Variants in SLC3A1 observed in about 807,000 individuals in gnomAD.
The protein encoded by SLC3A1 is solute carrier family 3 member 1.
SLC3A1 carries 78 observed loss-of-function variants against 60.3 expected under a neutral mutation model. The ratio of observed to expected loss-of-function variants is 1.29; its 90% CI spans 1.08 to 1.56. The LOEUF is 1.56. Among genes scored for constraint, SLC3A1 ranks in the 40% most tolerant of loss-of-function variants. The pLI is 0.00. For missense variants in SLC3A1, 1,172 were observed against 858.9 expected (o/e 1.36, Z -4.56); for synonymous variants, 392 against 307.9 (o/e 1.27, Z -2.86).
intron 9 of SLC3A1, among the ~76,000 whole-genome samples, chr2:44,316,622 G>A (rs1441370615): frequency 6.6e-6 from 1 of 152,160 alleles, no homozygotes; most frequent in African/African-American, 2.4e-5. Context: ...TTCAGAACAG[G>A]TAGGATAAAG....
Position 44,281,514 on chromosome 2 carries a change from T to C in SLC3A1, c.738T>C (p.Asn246=). The part of the protein sequence containing the change: ...YYIWHDCTHE[N]GKTIPPNNWL... ...TCTGGCATGACTGTACCCATGAAAATGGCAAAACCATTCCACCCAACAACT... is the reference window on the plus strand; with the variant it reads ...TCTGGCATGACTGTACCCATGAAAACGGCAAAACCATTCCACCCAACAACT... Residue 246 remains asparagine (N), a synonymous_variant, in exon 3 of 10, where the codon AAT becomes AAC. Transcript: ENST00000260649. 3 of 1,614,030 alleles carry C rather than the reference T, an allele frequency of 1.9e-6. No homozygotes were observed. The highest frequency in any genetic ancestry group is 1.7e-6 in the Non-Finnish European group (2 of 1,179,992).
At chr2:44,318,231 C>T (rs1672601028) in intron 9 of SLC3A1, 2 of 359,504 alleles carry the variant, frequency 5.6e-6, no homozygotes, top group East Asian at 9.6e-5. Flanking sequence ...GCTGGGATTA[C>T]AGGTGCACGT....
chr2:44,302,883 C>T (rs1221638445), intron 6 of SLC3A1, among the ~76,000 whole-genome samples: 1 of 152,136 alleles, frequency 6.6e-6, no homozygotes, highest in Non-Finnish European at 1.5e-5. Context: ...GAGATTATTT[C>T]TCCTAGGATT....
intron 1 of SLC3A1, among the ~76,000 whole-genome samples, chr2:44,280,508 G>A (rs1416471152): frequency 6.6e-6 from 1 of 152,140 alleles, no homozygotes; most frequent in Non-Finnish European, 1.5e-5. Context: ...AAAGTGCTGG[G>A]ATTACAGGCG....
intron 4 of SLC3A1, among the ~76,000 whole-genome samples, chr2:44,295,638 A>T (rs556768357): frequency 7.5e-4 from 115 of 152,320 alleles, no homozygotes; most frequent in African/African-American, 2.7e-3. Flanking sequence ...ATTATTTCTG[A>T]TTATGCTAGG....
At chr2:44,308,252 G>C (rs797013895) in intron 7 of SLC3A1, among the ~76,000 whole-genome samples, 17 of 152,332 alleles carry the variant, frequency 1.1e-4, no homozygotes, top group African/African-American at 7.2e-5. Context: ...GATTAGTGTA[G>C]CTTAGTAAGT....
At position 44,275,969 on chromosome 2, in the gene SLC3A1, C is replaced by T. The variant is rs772305450; in HGVS notation, c.430+4C>T. The T allele has an allele frequency of 1.2e-6, 2 of 1,613,468 alleles. No individual in the cohort carries two copies. Among genetic ancestry groups the T allele is most frequent in the South Asian group, 1.1e-5 (1 of 91,064 alleles). ...GATGGGAACGGAGATCTGAAAGGTACATGCCCAGAGATCATTTAGGGTGGG... is the reference window on the plus strand; with the variant it reads ...GATGGGAACGGAGATCTGAAAGGTATATGCCCAGAGATCATTTAGGGTGGG... On this transcript the variant is annotated splice_donor_region_variant and intron_variant, in intron 1 of 9. Coordinates refer to ENST00000260649, the MANE Select transcript of SLC3A1 (RefSeq NM_000341.4).
intron 4 of SLC3A1, among the ~76,000 whole-genome samples, chr2:44,292,166 G>T (rs987660586): frequency 5.9e-5 from 9 of 152,024 alleles, no homozygotes; most frequent in Admixed American, 1.3e-4. Flanking sequence ...CTGGGGTTTG[G>T]AGTGATCCTA....
rs540304824 is a variant in SLC3A1, at chr2:44,308,826, G to T, written c.1333-3760G>T. On this transcript the variant is annotated intron_variant, in intron 7 of 9. Coordinates refer to ENST00000260649, the MANE Select transcript of SLC3A1 (RefSeq NM_000341.4). ...CAGCTCATTGCAAGCTCCGCCTCCC[G>T]GGTTCATGCCATTCTCCTGTATCAG... Among the ~76,000 whole-genome samples the T allele has an allele frequency of 3.3e-5, 5 of 151,900 alleles. No individual in the cohort carries two copies. In the East Asian group the frequency reaches 7.8e-4, roughly 24 times the overall value.
At chr2:44,276,103 G>A in intron 1 of SLC3A1, 138 bp downstream of exon 1, 1 of 782,126 alleles carries the variant, frequency 1.3e-6, no homozygotes. Context: ...GTTGCTCCTT[G>A]TTTATGATAT....
At chr2:44,276,535 T>A (rs1313666566) in intron 1 of SLC3A1, among the ~76,000 whole-genome samples, 3 of 152,252 alleles carry the variant, frequency 2.0e-5, no homozygotes, top group Non-Finnish European at 4.4e-5. Flanking sequence ...AATTAAGGAT[T>A]GTTTAAAACC....
intron 4 of SLC3A1, among the ~76,000 whole-genome samples, chr2:44,294,652 G>A (rs1017865115): frequency 6.6e-6 from 1 of 152,172 alleles, no homozygotes; most frequent in Non-Finnish European, 1.5e-5. Flanking sequence ...GCTGGACAGC[G>A]AGAGAGCTGG....
chr2:44,309,601 CTTTT>C (rs1284627025), intron 7 of SLC3A1, among the ~76,000 whole-genome samples: 1 of 152,010 alleles, frequency 6.6e-6, no homozygotes, highest in Admixed American at 6.6e-5. Flanking sequence ...CATAATACTT[CTTTT>C]GTTTTGTTTT....
chr2:44,293,342 C>A (rs1415915242), intron 4 of SLC3A1, among the ~76,000 whole-genome samples: 1 of 151,996 alleles, frequency 6.6e-6, no homozygotes, highest in Non-Finnish European at 1.5e-5. Context: ...CATGGTGAAA[C>A]CCCATCTCTC....
At chr2:44,299,846 C>G (rs2104362230) in intron 4 of SLC3A1, 125 bp from the exon 5 acceptor site, 1 of 986,000 alleles carries the variant, frequency 1.0e-6, no homozygotes, top group Non-Finnish European at 1.6e-6. Context: ...ACTGTGAATA[C>G]TGTGCTTGTT....
rs539409755 is a variant in SLC3A1, at chr2:44,279,509, C to G, written c.431-1207C>G. On this transcript the variant is annotated intron_variant, in intron 1 of 9. Coordinates refer to ENST00000260649, the MANE Select transcript of SLC3A1 (RefSeq NM_000341.4). ...AGCACTTTCTGCAGCTCTTCCTTAG[C>G]TCTTCAGTCTGATCATCATCCCACC... Among the ~76,000 whole-genome samples the G allele has an allele frequency of 3.3e-5, 5 of 152,244 alleles. No individual in the cohort carries two copies. The South Asian group carries it at 1.0e-3, about 32-fold the overall frequency.
Position 44,320,273 on chromosome 2 carries a change from C to T in SLC3A1, c.1692C>T (p.Leu564=), listed in dbSNP as rs140014348. Residue 564 remains leucine (L), a synonymous_variant, in exon 10 of 10, where the codon CTC becomes CTT. Coordinates refer to ENST00000260649, the MANE Select transcript of SLC3A1 (RefSeq NM_000341.4). ...DLSLLHANEL[L]LNRGWFCHLR... is the part of the protein sequence containing the mutation. The stretch of plus-strand genomic sequence containing the variant: ...GTCTACTTCATGCCAATGAGCTACT[C>T]CTCAACAGGGGCTGGTTTTGCCATT... 1.7e-5 allele frequency: 28 copies of T among 1,613,926 alleles called. No homozygotes were observed. The African/African-American group carries it at 3.2e-4, about 18-fold the overall frequency.
intron 1 of SLC3A1, among the ~76,000 whole-genome samples, chr2:44,278,942 TGAC>T (rs1671411289): frequency 6.6e-6 from 1 of 152,118 alleles, no homozygotes; most frequent in Non-Finnish European, 1.5e-5. Flanking sequence ...CCCCGTGCAC[TGAC>T]AACATTTATC....
chr2:44,291,454 C>G (rs1383633978), intron 4 of SLC3A1, among the ~76,000 whole-genome samples: 1 of 152,172 alleles, frequency 6.6e-6, no homozygotes, highest in Non-Finnish European at 1.5e-5. Context: ...ATTTACTGGT[C>G]TTCTGGCTGA....
Sources: gnomAD v4.1 joint callset for allele counts (sites outside exome capture counted in the v4.1 genomes callset) on GRCh38, gnomAD v4.1.1 for gene constraint, MANE v1.5 for transcripts, NCBI Gene and HGNC (gene_info 2026-07-23, HGNC 2026-07-21) for gene names.